Variants in NOL4 observed in about 807,000 individuals in gnomAD.
The protein encoded by NOL4 is cancer/testis antigen 125.
In NOL4, 17 loss-of-function variants were observed where a neutral mutation model predicts 75.9. The ratio of observed to expected loss-of-function variants is 0.22; its 90% CI spans 0.15 to 0.34. The LOEUF is 0.34. Among genes scored for constraint, NOL4 ranks in the 10% least tolerant of loss-of-function variants. The pLI is 1.00. For missense variants in NOL4, 614 were observed against 793.5 expected (o/e 0.77, Z 2.72); for synonymous variants, 292 against 289.9 (o/e 1.01, Z -0.07).
intron 1 of NOL4, among the ~76,000 whole-genome samples, chr18:34,178,085 T>C (rs1015332146): frequency 6.6e-6 from 1 of 151,756 alleles, no homozygotes. Context: ...TGTATAGAGA[T>C]ATAATCTGTG....
Position 33,851,761 on chromosome 18 carries a change from A to T in NOL4, c.*1081T>A, listed in dbSNP as rs2062641316. On this transcript the variant is annotated 3_prime_UTR_variant, in exon 11 of 11. Coordinates refer to ENST00000261592, the MANE Select transcript of NOL4 (RefSeq NM_003787.5). ...GTAAGTTGCAGCTGCATCCGCTGAG[A>T]GTTCCTTACATTATTTTTAGCTAGA... The T allele has an allele frequency of 6.6e-6, 1 of 152,528 alleles. No individual in the cohort carries two copies. Among genetic ancestry groups the T allele is most frequent in the South Asian group, 2.1e-4 (1 of 4,834 alleles). 9.4% of individuals were successfully genotyped at this position (152,528 alleles called of 1,614,324 possible). A position where few individuals can be genotyped will look rare whatever the true frequency, so the allele number is the denominator to read the frequency against.
chr18:34,125,924 C>G (rs2080364631), intron 2 of NOL4, among the ~76,000 whole-genome samples: 1 of 151,174 alleles, frequency 6.6e-6, no homozygotes, highest in Non-Finnish European at 1.5e-5. Context: ...CTTATAAACC[C>G]AAACCGTGGA....
At chr18:34,047,294 A>G (rs1347754117) in intron 5 of NOL4, among the ~76,000 whole-genome samples, 2 of 152,138 alleles carry the variant, frequency 1.3e-5, no homozygotes, top group Non-Finnish European at 2.9e-5. Context: ...TAATAGCTAT[A>G]TTTAGCGTAG....
Position 34,079,441 on chromosome 18 carries a change from T to G in NOL4, c.772+14024A>C, listed in dbSNP as rs149004916. On this transcript the variant is annotated intron_variant, in intron 5 of 10. Coordinates refer to ENST00000261592, the MANE Select transcript of NOL4 (RefSeq NM_003787.5). ...AGGCTGGAGTGTGTATCTGTGAGATTTTCCTTTAGTGTAAGTACCTAAATA... is the reference window on the plus strand; with the variant it reads ...AGGCTGGAGTGTGTATCTGTGAGATGTTCCTTTAGTGTAAGTACCTAAATA... Among the ~76,000 whole-genome samples the G allele has an allele frequency of 3.1e-3, 466 of 151,952 alleles. 9 individuals carry two copies. Among genetic ancestry groups the G allele is most frequent in the Admixed American group, 0.028 (430 of 15,248 alleles).
intron 5 of NOL4, among the ~76,000 whole-genome samples, chr18:34,033,016 C>T (rs1600326461): frequency 1.3e-5 from 2 of 152,246 alleles, no homozygotes; most frequent in East Asian, 3.9e-4. Flanking sequence ...AGCCAAAGTG[C>T]CCTGCTCAAC....
chr18:34,010,480 T>C (rs2074308899), intron 6 of NOL4, among the ~76,000 whole-genome samples: 1 of 151,942 alleles, frequency 6.6e-6, no homozygotes, highest in African/African-American at 2.4e-5. Flanking sequence ...AGCTAGCTCT[T>C]TGATATACCA....
chr18:33,854,219 A>G (rs2062741431), intron 10 of NOL4, among the ~76,000 whole-genome samples: 1 of 152,114 alleles, frequency 6.6e-6, no homozygotes, highest in African/African-American at 2.4e-5. Flanking sequence ...TCCTTGAAGC[A>G]TGATGGAGAT....
chr18:34,084,815 C>T (rs1255176505), intron 5 of NOL4, among the ~76,000 whole-genome samples: 2 of 152,170 alleles, frequency 1.3e-5, no homozygotes, highest in Non-Finnish European at 2.9e-5. Context: ...TTTACCCCTA[C>T]GTTGTAGTTG....
At chr18:33,922,117 A>G (rs1055642159) in intron 9 of NOL4, among the ~76,000 whole-genome samples, 7 of 152,216 alleles carry the variant, frequency 4.6e-5, no homozygotes, top group African/African-American at 1.7e-4. Context: ...GAGCAGGACC[A>G]AGAGATCTCT....
chr18:34,222,484 T>C, intron 1 of NOL4: 1 of 983,698 alleles, frequency 1.0e-6, no homozygotes, highest in Non-Finnish European at 1.2e-6. Context: ...GACAGTGTCC[T>C]GGGGAAAACC....
intron 5 of NOL4, among the ~76,000 whole-genome samples, chr18:34,059,530 G>C (rs1473040020): frequency 6.6e-6 from 1 of 152,056 alleles, no homozygotes; most frequent in South Asian, 2.1e-4. Context: ...ATCTTCTTCA[G>C]GGTTTCCACA....
At chr18:33,858,955 A>C (rs988239345) in intron 10 of NOL4, among the ~76,000 whole-genome samples, 1 of 152,100 alleles carries the variant, frequency 6.6e-6, no homozygotes, top group African/African-American at 2.4e-5. Context: ...TAATGGTATA[A>C]AAATATTAAT....
intron 5 of NOL4, among the ~76,000 whole-genome samples, chr18:34,046,141 C>T (rs985112617): frequency 8.5e-5 from 13 of 152,210 alleles, no homozygotes; most frequent in Admixed American, 2.0e-4. Flanking sequence ...TTCCATATCA[C>T]CTAATAATCC....
intron 9 of NOL4, among the ~76,000 whole-genome samples, chr18:33,892,684 G>T (rs2065164647): frequency 6.6e-6 from 1 of 151,160 alleles, no homozygotes; most frequent in Admixed American, 6.6e-5. Context: ...TTGAGATGGG[G>T]TCTTGCTCTG....
intron 6 of NOL4, among the ~76,000 whole-genome samples, chr18:33,970,931 A>G (rs1451608072): frequency 2.0e-5 from 3 of 152,186 alleles, no homozygotes; most frequent in African/African-American, 7.2e-5. Flanking sequence ...TATGTCATGC[A>G]AACACAAGAA....
intron 10 of NOL4, among the ~76,000 whole-genome samples, chr18:33,862,909 T>C (rs2063226961): frequency 6.6e-6 from 1 of 152,208 alleles, no homozygotes; most frequent in Non-Finnish European, 1.5e-5. Flanking sequence ...GACCCAGCCA[T>C]CCCATTACTG....
intron 1 of NOL4, among the ~76,000 whole-genome samples, chr18:34,185,465 G>A (rs1425576756): frequency 1.3e-5 from 2 of 152,010 alleles, no homozygotes; most frequent in Non-Finnish European, 2.9e-5. Flanking sequence ...TTTTTACAAT[G>A]GGCAGATAAT....
chr18:33,859,445 A>G (rs2062986254), intron 10 of NOL4, among the ~76,000 whole-genome samples: 1 of 152,170 alleles, frequency 6.6e-6, no homozygotes, highest in South Asian at 2.1e-4. Flanking sequence ...TTTCAAATGC[A>G]AATGTTTTTC....
intron 1 of NOL4, among the ~76,000 whole-genome samples, chr18:34,208,730 C>T (rs985031048): frequency 7.2e-5 from 11 of 151,804 alleles, no homozygotes; most frequent in South Asian, 2.1e-4. Flanking sequence ...GGCATGGTGG[C>T]GCATGCCTGT....
Sources: gnomAD v4.1 joint callset for allele counts (sites outside exome capture counted in the v4.1 genomes callset) on GRCh38, gnomAD v4.1.1 for gene constraint, MANE v1.5 for transcripts, NCBI Gene and HGNC (gene_info 2026-07-23, HGNC 2026-07-21) for gene names.